Variants in AMZ1 observed in about 807,000 individuals in gnomAD.
AMZ1 encodes archaemetzincin-1.
In AMZ1, 39 loss-of-function variants were observed where a neutral mutation model predicts 29.9. The ratio of observed to expected loss-of-function variants is 1.30; its 90% CI spans 1.01 to 1.70. AMZ1 has a LOEUF of 1.70. Among genes scored for constraint, AMZ1 ranks in the 40% most tolerant of loss-of-function variants. AMZ1 has a pLI of 0.00. For synonymous variants in AMZ1, 458 were observed against 304.0 expected, an observed-to-expected ratio of 1.51 and a Z score of -5.27; for missense variants, 1,041 against 680.6, an observed-to-expected ratio of 1.53 and a Z score of -5.89.
At chr7:2,730,941 C>T in intron 4 of AMZ1, 1 of 511,084 alleles carries the variant, frequency 2.0e-6, no homozygotes, top group Non-Finnish European at 3.5e-6. Flanking sequence ...TTCACAACAT[C>T]ATCACTCGGA....
chr7:2,731,542 A>T lies in AMZ1; in HGVS notation n.550+21726A>T. On this transcript the variant is annotated intron_variant and non_coding_transcript_variant, in intron 4 of 4. Coordinates refer to the AMZ1 transcript ENST00000489665. This position sits in a 1 kb window ranked among gnomAD's most constrained non-coding sequence, Gnocchi z 6.0. ...CAGCCGGTTGGTGCGCCTGTCCTCC[A>T]TGAGGACCTGGTCGTACTCGCTGGA... The T allele has an allele frequency of 6.2e-7, 1 of 1,611,336 alleles. No homozygotes were observed. The highest frequency in any genetic ancestry group is 8.5e-7 in the Non-Finnish European group (1 of 1,178,024).
intron 4 of AMZ1, among the ~76,000 whole-genome samples, chr7:2,748,112 C>T (rs1381099281): frequency 2.2e-4 from 33 of 150,806 alleles, no homozygotes; most frequent in Non-Finnish European, 8.9e-5. Context: ...TCAATGCCAT[C>T]CCCATCAAGC....
rs1398670516 is a variant in AMZ1 at position 2,731,883 on chromosome 7, C to G, written n.550+22067C>G. 2.3e-5 allele frequency: 12 copies of G among 524,550 alleles called. No homozygotes were observed. The East Asian group carries it at 3.2e-4, about 14-fold the overall frequency. 32.5% of individuals were successfully genotyped at this position (524,550 alleles called of 1,614,324 possible). Reference sequence around the variant, plus strand: ...AACAGGTTGAACCAGAAACCAAAAGCAAATTTCATTTATAACATTATCAAC... The same window carrying G: ...AACAGGTTGAACCAGAAACCAAAAGGAAATTTCATTTATAACATTATCAAC... On this transcript the variant is annotated intron_variant and non_coding_transcript_variant, in intron 4 of 4. Transcript: ENST00000489665. This position sits in a 1 kb window ranked among gnomAD's most constrained non-coding sequence, Gnocchi z 6.0.
Position 2,709,630 on chromosome 7 carries a change from T to A in AMZ1, c.772-10T>A, listed in dbSNP as rs767427886. 3 of 1,605,436 alleles carry A rather than the reference T, an allele frequency of 1.9e-6. No individual in the cohort carries two copies. The highest frequency in any genetic ancestry group is 2.5e-6 in the Non-Finnish European group (3 of 1,176,632). ...CAGTGAGGCAAGGTGCTTGGTGGCC[T>A]TCCCCCCAGGTCACGTGCCACGAGC... On this transcript the variant is annotated splice_polypyrimidine_tract_variant and intron_variant, in intron 5 of 6. Transcript: ENST00000683327.
chr7:2,754,286 G>C (rs1791184541), intron 4 of AMZ1, among the ~76,000 whole-genome samples: 1 of 152,104 alleles, frequency 6.6e-6, no homozygotes, highest in South Asian at 2.1e-4. Flanking sequence ...TGTCCTCTTT[G>C]GTGAAATCAC....
At chr7:2,684,217 C>T (rs911350323), upstream of AMZ1, among the ~76,000 whole-genome samples, 3 of 152,188 alleles carry the variant, frequency 2.0e-5, no homozygotes, top group Non-Finnish European at 4.4e-5. Flanking sequence ...TTGTCTTGTT[C>T]CTCCAATGAG....
At chr7:2,737,625 T>G (rs940880706) in intron 4 of AMZ1, among the ~76,000 whole-genome samples, 2 of 152,148 alleles carry the variant, frequency 1.3e-5, no homozygotes, top group Non-Finnish European at 2.9e-5. Flanking sequence ...AGGTTAACTC[T>G]AAAATCCTAA....
chr7:2,687,496 G>T (rs1374508408), upstream of AMZ1, among the ~76,000 whole-genome samples: 1 of 152,232 alleles, frequency 6.6e-6, no homozygotes, highest in South Asian at 2.1e-4. Context: ...GAGGAAAAGG[G>T]CAGTTTATGG....
chr7:2,693,404 C>T (rs946838748), intron 1 of AMZ1, among the ~76,000 whole-genome samples: 3 of 151,656 alleles, frequency 2.0e-5, no homozygotes, highest in Non-Finnish European at 2.9e-5. Flanking sequence ...TTGTTGGACA[C>T]AGGGTCTTGC....
At chr7:2,723,472 G>A (rs1789501863), downstream of AMZ1, among the ~76,000 whole-genome samples, 2 of 152,218 alleles carry the variant, frequency 1.3e-5, no homozygotes, top group Admixed American at 1.3e-4. Context: ...GACCTTCTTT[G>A]AGGAGCACAG....
At chr7:2,733,778 G>T (rs1393642735) in intron 4 of AMZ1, among the ~76,000 whole-genome samples, 1 of 152,170 alleles carries the variant, frequency 6.6e-6, no homozygotes, top group Admixed American at 6.5e-5. Context: ...TGCGATGCAG[G>T]CCCCTCTGAT....
At chr7:2,706,313 C>T (rs919795771) in intron 3 of AMZ1, among the ~76,000 whole-genome samples, 4 of 152,186 alleles carry the variant, frequency 2.6e-5, no homozygotes, top group East Asian at 1.9e-4. Context: ...ACCGCAGACA[C>T]GTGCCATCAC....
intron 1 of AMZ1, among the ~76,000 whole-genome samples, chr7:2,688,863 C>T (rs1787213477): frequency 1.3e-5 from 2 of 152,324 alleles, no homozygotes; most frequent in East Asian, 1.9e-4. Flanking sequence ...GGTCTCAAAA[C>T]CAGAAAAGCA....
At chr7:2,704,946 C>T (rs1384723994) in intron 3 of AMZ1, among the ~76,000 whole-genome samples, 4 of 152,158 alleles carry the variant, frequency 2.6e-5, no homozygotes, top group African/African-American at 9.7e-5. Flanking sequence ...TCTTTAAGTT[C>T]AGCATTGATG....
intron 4 of AMZ1, among the ~76,000 whole-genome samples, chr7:2,726,580 C>T (rs1277142554): frequency 2.0e-5 from 3 of 152,224 alleles, no homozygotes; most frequent in East Asian, 1.9e-4. Context: ...AGCCTACAGT[C>T]GGAGCACACT....
intron 4 of AMZ1, among the ~76,000 whole-genome samples, chr7:2,749,977 G>T (rs565412851): frequency 6.6e-6 from 1 of 152,310 alleles, no homozygotes; most frequent in South Asian, 2.1e-4. Flanking sequence ...GAGTGGGGCA[G>T]AGAATGTTTT....
At chr7:2,682,404 G>T (rs1583127696) in intron 1 of AMZ1, among the ~76,000 whole-genome samples, 2 of 152,310 alleles carry the variant, frequency 1.3e-5, no homozygotes, top group South Asian at 4.1e-4. Context: ...GAGGCCTCAG[G>T]CCGATGCGAG....
chr7:2,764,116 G>C (rs1479042688), upstream of AMZ1, among the ~76,000 whole-genome samples: 1 of 152,098 alleles, frequency 6.6e-6, no homozygotes, highest in Non-Finnish European at 1.5e-5. Context: ...TGTTGCCCAG[G>C]TTAGGGGGCC....
At chr7:2,762,543 A>C, upstream of AMZ1, 1 of 1,305,156 alleles carries the variant, frequency 7.7e-7, no homozygotes, top group Non-Finnish European at 1.0e-6. Context: ...CACGCCTTCT[A>C]TTCTGGAGTT....
Sources: gnomAD v4.1 joint callset for allele counts (sites outside exome capture counted in the v4.1 genomes callset) on GRCh38, gnomAD v4.1.1 for gene constraint, Gnocchi (gnomAD v3.1) non-coding constraint, MANE v1.5 for transcripts, NCBI Gene and HGNC (gene_info 2026-07-23, HGNC 2026-07-21) for gene names.